The following CDHR2 variants were observed in gnomAD, a reference collection of about 807,000 sequenced individuals.
CDHR2 encodes the protein cadherin related family member 2.
CDHR2 carries 104 observed loss-of-function variants against 138.6 expected under a neutral mutation model. The ratio of observed to expected loss-of-function variants is 0.75; its 90% CI spans 0.64 to 0.88. CDHR2 has a LOEUF of 0.88. Ranked by LOEUF, CDHR2 falls within the 40% of genes least tolerant of loss-of-function variation. The pLI, the probability that CDHR2 is intolerant of heterozygous loss-of-function variation, is 0.00. For synonymous variants in CDHR2, 755 were observed against 742.8 expected (o/e 1.02, Z -0.27); for missense variants, 1,624 against 1,727.6 (o/e 0.94, Z 1.06).
intron 5 of CDHR2, among the ~76,000 whole-genome samples, chr5:176,570,514 T>C (rs1382080492): frequency 6.6e-6 from 1 of 152,174 alleles, no homozygotes; most frequent in Non-Finnish European, 1.5e-5. Flanking sequence ...ACTCAGCTAA[T>C]TTTAAAATTT....
rs771051706 is a variant in CDHR2 at position 176,595,580 on chromosome 5, A to G, written c.3841A>G (p.Ser1281Gly). ...ACCAGAGCCAGATCCAGAGCCCCTG[A>G]GCGTGGTCCTGTTAGGACGGCAGGC... Reference protein sequence around the residue: ...TPPEPDPEPLSVVLLGRQAGA... With the variant: ...TPPEPDPEPLGVVLLGRQAGA... Residue 1281 changes from serine (S) to glycine (G), a missense_variant, in exon 32 of 32, where the codon AGC (serine) becomes GGC (glycine). By Grantham distance (56) the Ser-to-Gly change is moderately conservative (BLOSUM62 0). Transcript: ENST00000261944. 6.2e-6 allele frequency: 10 copies of G among 1,612,714 alleles called. No homozygotes were observed. Among genetic ancestry groups the G allele is most frequent in the African/African-American group, 2.7e-5 (2 of 74,886 alleles).
intron 6 of CDHR2, among the ~76,000 whole-genome samples, chr5:176,572,675 G>GC (rs2113292279): frequency 6.6e-6 from 1 of 152,322 alleles, no homozygotes; most frequent in Admixed American, 6.5e-5. Flanking sequence ...TGGTCACTGG[G>GC]CAGCAAATAC....
chr5:176,583,368 C>T (rs538793831), intron 17 of CDHR2, among the ~76,000 whole-genome samples: 6 of 152,290 alleles, frequency 3.9e-5, no homozygotes, highest in East Asian at 1.9e-4. Context: ...ATGATGTCAT[C>T]GCTGGGAAAT....
rs1178668115 is a variant in CDHR2, at chr5:176,592,711, C to T, written c.3735-12C>T. 2.5e-6 allele frequency: 4 copies of T among 1,613,392 alleles called. No individual in the cohort carries two copies. The highest frequency in any genetic ancestry group is 3.4e-6 in the Non-Finnish European group (4 of 1,179,666). ...GCCTGCCAACACCTGAGCTCCATCA[C>T]CTCTCTTACAGCGTCAACTCCCTGG... is the stretch of plus-strand genomic sequence containing the variant. On this transcript the variant is annotated splice_polypyrimidine_tract_variant and intron_variant, in intron 30 of 31. Coordinates refer to ENST00000261944, the MANE Select transcript of CDHR2 (RefSeq NM_017675.6).
chr5:176,592,298 ATGG>A (rs1470404307), intron 30 of CDHR2, among the ~76,000 whole-genome samples: 2,663 of 119,198 alleles, frequency 0.022, 119 homozygotes, highest in African/African-American at 0.082. Flanking sequence ...GATGGTGGTG[ATGG>A]TGATGGTGGT....
chr5:176,586,824 G>A lies in CDHR2; in HGVS notation c.2838G>A (p.Arg946=), dbSNP rs142236631. The A allele has an allele frequency of 4.2e-5, 67 of 1,610,268 alleles. No individual in the cohort carries two copies. In the Middle Eastern group the frequency reaches 1.5e-3, roughly 36 times the overall value. ...VIIPELVLPN[R]EVASVRARDD... The stretch of plus-strand genomic sequence containing the variant: ...TCCCTGAACTCGTGCTGCCCAACCG[G>A]GAGGTGGCTTCTGTCCGGGTAAGTT... The change falls in exon 21 of 32, where the codon CGG becomes CGA. Residue 946 remains arginine, a synonymous_variant. Transcript: ENST00000261944.
In CDHR2 at chr5:176,574,068, A is replaced by G; in HGVS notation, c.406-15A>G. 6.2e-7 allele frequency: 1 copy of G among 1,607,140 alleles called. No homozygotes were observed. The highest frequency in any genetic ancestry group is 8.5e-7 in the Non-Finnish European group (1 of 1,174,308). On this transcript the variant is annotated splice_polypyrimidine_tract_variant and intron_variant, in intron 6 of 31. Transcript: ENST00000261944. The stretch of plus-strand genomic sequence containing the variant: ...GCTGGATTTGAGCTCATAGGTGACG[A>G]GTCCCTCCCTGCAGACCCTGCCCGT...
intron 5 of CDHR2, among the ~76,000 whole-genome samples, chr5:176,570,174 T>G (rs1019868508): frequency 1.3e-5 from 2 of 152,176 alleles, no homozygotes; most frequent in African/African-American, 4.8e-5. Flanking sequence ...CGATTGAGCT[T>G]AGAGCTCTCT....
intron 1 of CDHR2, among the ~76,000 whole-genome samples, chr5:176,550,731 G>C (rs1448856502): frequency 6.6e-6 from 1 of 152,156 alleles, no homozygotes; most frequent in Non-Finnish European, 1.5e-5. Flanking sequence ...AGTGCACCCC[G>C]GGGGCTCCCC....
chr5:176,542,752 T>C (rs1164194667), exon 1 of CDHR2: 1 of 152,326 alleles, frequency 6.6e-6, no homozygotes, highest in African/African-American at 2.4e-5. Flanking sequence ...CCCGCAGCGT[T>C]CCGACATCCA....
intron 19 of CDHR2, 119 bp from the exon 20 acceptor site, chr5:176,585,835 G>A (rs1328251391): frequency 3.4e-5 from 26 of 764,494 alleles, no homozygotes; most frequent in African/African-American, 5.1e-5. Flanking sequence ...TTGAGGCTGC[G>A]GGGCACGGGG....
At chr5:176,592,639 G>T in intron 30 of CDHR2, 84 bp from the exon 31 acceptor site, 1 of 1,041,140 alleles carries the variant, frequency 9.6e-7, no homozygotes. Flanking sequence ...TGATGGTGAT[G>T]GTGGTGATGG....
At chr5:176,584,360 T>G (rs1396432433) in intron 18 of CDHR2, 50 bp from the exon 19 acceptor site, 1 of 1,610,240 alleles carries the variant, frequency 6.2e-7, no homozygotes, top group Non-Finnish European at 8.5e-7. Flanking sequence ...CAGAGGAGGC[T>G]TCCGATGGCG....
Position 176,571,269 on chromosome 5 carries a change from C to T in CDHR2, c.372C>T (p.Phe124=). The T allele has an allele frequency of 6.2e-7, 1 of 1,611,900 alleles. No homozygotes were observed. Among genetic ancestry groups the T allele is most frequent in the Non-Finnish European group, 8.5e-7 (1 of 1,179,172 alleles). The change falls in exon 6 of 32, where the codon TTC becomes TTT. Residue 124 remains phenylalanine (F), a synonymous_variant. Transcript: ENST00000261944. ...VEDRNDNAPV[F]QNTAFSTSIN... ...ATAGAAACGACAACGCACCCGTTTT[C>T]CAGAACACCGCTTTCTCCACCAGCA...
intron 21 of CDHR2, among the ~76,000 whole-genome samples, 184 bp from the exon 22 acceptor site, chr5:176,588,847 A>C (rs921438513): frequency 5.3e-5 from 8 of 152,108 alleles, no homozygotes; most frequent in African/African-American, 1.9e-4. Context: ...TCTTGTCCAA[A>C]TCTGGATTTG....
chr5:176,583,686 G>A (rs1051696465), intron 17 of CDHR2, among the ~76,000 whole-genome samples: 2 of 152,174 alleles, frequency 1.3e-5, no homozygotes, highest in Admixed American at 6.5e-5. Context: ...GCAGGTCCCC[G>A]GAGCCCAGCT....
At chr5:176,585,523 A>C (rs1315678238) in intron 19 of CDHR2, among the ~76,000 whole-genome samples, 2 of 152,230 alleles carry the variant, frequency 1.3e-5, no homozygotes, top group Non-Finnish European at 2.9e-5. Context: ...CTGAGGCAGA[A>C]AGTGGGTATT....
At position 176,590,000 on chromosome 5, in the gene CDHR2, C is replaced by T. The variant is rs932695955; in HGVS notation, c.3207-78C>T. ...GGTGCCCTTTCTCACTCATACAATT[C>T]TTAATCCCACTGGCACAGCCCTGGC... On this transcript the variant is annotated intron_variant, in intron 24 of 31. Coordinates refer to ENST00000261944, the MANE Select transcript of CDHR2 (RefSeq NM_017675.6). 8.8e-5 allele frequency: 104 copies of T among 1,186,406 alleles called. 1 individual carries two copies. In the East Asian group the frequency reaches 2.2e-3, roughly 25 times the overall value. 73.5% of individuals were successfully genotyped at this position (1,186,406 alleles called of 1,614,324 possible).
intron 28 of CDHR2, 69 bp from the exon 29 acceptor site, chr5:176,591,141 C>A: frequency 1.9e-6 from 2 of 1,067,556 alleles, no homozygotes; most frequent in Non-Finnish European, 2.9e-6. Flanking sequence ...AAGCCACAGG[C>A]TCAGGGCCTC....
Sources: gnomAD v4.1 joint callset for allele counts (sites outside exome capture counted in the v4.1 genomes callset) on GRCh38, gnomAD v4.1.1 for gene constraint, MANE v1.5 for transcripts, NCBI Gene and HGNC (gene_info 2026-07-23, HGNC 2026-07-21) for gene names.